The following SKI variants were observed in gnomAD, a reference collection of about 807,000 sequenced individuals.
SKI encodes ski oncogene.
SKI carries 23 observed loss-of-function variants against 59.3 expected under a neutral mutation model. That is an observed-to-expected ratio of 0.39 (90% CI 0.28 to 0.55). SKI has a LOEUF of 0.55. Ranked by LOEUF, SKI falls within the 20% of genes least tolerant of loss-of-function variation. The pLI is 0.67. For synonymous variants in SKI, 673 were observed against 488.6 expected (o/e 1.38, Z -4.98); for missense variants, 1,017 against 1,038.9 (o/e 0.98, Z 0.29).
chr1:2,309,666 C>T lies in SKI; in HGVS notation c.*2901C>T, dbSNP rs181984476. ...TCCTCCCTGTGGGTCTGAGCCCCGG[C>T]CCCCCCCACCTCCTCCTCCCTGTGG... On this transcript the variant is annotated 3_prime_UTR_variant, in exon 7 of 7. Transcript: ENST00000378536. 25 of 97,304 alleles carry T rather than the reference C, an allele frequency of 2.6e-4. No homozygotes were observed. The East Asian group carries it at 8.2e-3, about 32-fold the overall frequency. The allele number at this position is 97,304 out of a possible 1,614,324, so 6.0% of individuals were successfully genotyped here.
intron 1 of SKI, among the ~76,000 whole-genome samples, chr1:2,241,915 G>A (rs1638883292): frequency 6.6e-6 from 1 of 152,244 alleles, no homozygotes; most frequent in Non-Finnish European, 1.5e-5. Context: ...GGACAGCACT[G>A]CGTGCGATGG....
At position 2,309,988 on chromosome 1, in the gene SKI, C is replaced by G. The variant is rs1430086592; in HGVS notation, c.*3223C>G. ...CTCCATCTCTACCTTTAACATCACCCAGACCCCCGCCCCTGCCCGTGCCCC... is the reference window on the plus strand; with the variant it reads ...CTCCATCTCTACCTTTAACATCACCGAGACCCCCGCCCCTGCCCGTGCCCC... On this transcript the variant is annotated 3_prime_UTR_variant, in exon 7 of 7. Coordinates refer to ENST00000378536, the MANE Select transcript of SKI (RefSeq NM_003036.4). 5 of 147,688 alleles carry G rather than the reference C, an allele frequency of 3.4e-5. No homozygotes were observed. The highest frequency in any genetic ancestry group is 5.1e-5 in the African/African-American group (2 of 39,586). 9.1% of individuals were successfully genotyped at this position (147,688 alleles called of 1,614,324 possible).
At chr1:2,236,667 A>T (rs749544639) in intron 1 of SKI, among the ~76,000 whole-genome samples, 3 of 152,116 alleles carry the variant, frequency 2.0e-5, no homozygotes, top group Non-Finnish European at 2.9e-5. Context: ...GGCCTCCCAA[A>T]GTGTTGGGAT....
rs1639513508 is a variant in SKI, at chr1:2,267,015, C to T, written c.970-35963C>T. Reference sequence around the variant, plus strand: ...CATCGCTGAATTGTGCTGACTGGCACATCCATTGTGAGCGGATGTGTTTTC... The same window carrying T: ...CATCGCTGAATTGTGCTGACTGGCATATCCATTGTGAGCGGATGTGTTTTC... On this transcript the variant is annotated intron_variant, in intron 1 of 6. Transcript: ENST00000378536. The surrounding 1 kb of genome is among the most constrained non-coding windows in gnomAD (Gnocchi z 4.1). Among the ~76,000 whole-genome samples the T allele has an allele frequency of 6.6e-6, 1 of 152,188 alleles. No individual in the cohort carries two copies. Among genetic ancestry groups the T allele is most frequent in the Non-Finnish European group, 1.5e-5 (1 of 68,040 alleles).
chr1:2,301,266 T>A (rs1379931104), intron 1 of SKI, among the ~76,000 whole-genome samples: 30 of 152,196 alleles, frequency 2.0e-4, no homozygotes, highest in Non-Finnish European at 3.7e-4. Context: ...CCAGACGTCA[T>A]CAACACTCAC....
At chr1:2,305,159 G>A (rs1340317635) in intron 5 of SKI, among the ~76,000 whole-genome samples, 1 of 152,184 alleles carries the variant, frequency 6.6e-6, no homozygotes, top group East Asian at 1.9e-4. Flanking sequence ...ACCTGCACAC[G>A]CTGCTTCTCT....
chr1:2,269,514 G>T lies in SKI; in HGVS notation c.970-33464G>T, dbSNP rs1285237780. Among the ~76,000 whole-genome samples, 1 of 152,258 alleles carries T rather than the reference G, an allele frequency of 6.6e-6. No homozygotes were observed. Among genetic ancestry groups the T allele is most frequent in the Non-Finnish European group, 1.5e-5 (1 of 68,044 alleles). On this transcript the variant is annotated intron_variant, in intron 1 of 6. Coordinates refer to ENST00000378536, the MANE Select transcript of SKI (RefSeq NM_003036.4). The surrounding 1 kb of genome is among the most constrained non-coding windows in gnomAD (Gnocchi z 4.7). ...GAAGCAAAGCCGTTTTGCAGGCTGG[G>T]TTCATCCCCGTTCCAGGCCCGCACT...
At chr1:2,286,767 G>A (rs957170338) in intron 1 of SKI, among the ~76,000 whole-genome samples, 1 of 152,182 alleles carries the variant, frequency 6.6e-6, no homozygotes, top group Non-Finnish European at 1.5e-5. Context: ...TCCGGTCGTG[G>A]GCTAGTGGGA....
At chr1:2,245,287 G>T (rs1042785983) in intron 1 of SKI, among the ~76,000 whole-genome samples, 2 of 152,030 alleles carry the variant, frequency 1.3e-5, no homozygotes, top group African/African-American at 4.8e-5. Flanking sequence ...AGACTGAACC[G>T]CAGGCTGCTG....
chr1:2,247,603 C>T (rs563517899), intron 1 of SKI, among the ~76,000 whole-genome samples: 1 of 152,204 alleles, frequency 6.6e-6, no homozygotes, highest in Non-Finnish European at 1.5e-5. Flanking sequence ...AAATGCCTCC[C>T]TGGGGTTGGG....
chr1:2,256,736 C>T (rs1639282750), intron 1 of SKI, among the ~76,000 whole-genome samples: 1 of 152,262 alleles, frequency 6.6e-6, no homozygotes, highest in Non-Finnish European at 1.5e-5. Context: ...AAGTCCCCTG[C>T]CATCTGCTTT....
chr1:2,254,272 A>G (rs1639227318), intron 1 of SKI, among the ~76,000 whole-genome samples: 1 of 152,134 alleles, frequency 6.6e-6, no homozygotes, highest in Admixed American at 6.5e-5. Flanking sequence ...TGCTGGCCCA[A>G]CTGGTCTCCA....
rs1639570703 is a variant in SKI at position 2,269,497 on chromosome 1, G to A, written c.970-33481G>A. On this transcript the variant is annotated intron_variant, in intron 1 of 6. Coordinates refer to ENST00000378536, the MANE Select transcript of SKI (RefSeq NM_003036.4). The surrounding 1 kb of genome is among the most constrained non-coding windows in gnomAD (Gnocchi z 4.7). Reference sequence around the variant, plus strand: ...AGTCTGTGGCCTTCTGTGAAGCAAAGCCGTTTTGCAGGCTGGGTTCATCCC... The same window carrying A: ...AGTCTGTGGCCTTCTGTGAAGCAAAACCGTTTTGCAGGCTGGGTTCATCCC... 1.3e-5 allele frequency among the ~76,000 whole-genome samples: 2 copies of A among 152,388 alleles called. No individual in the cohort carries two copies. The highest frequency in any genetic ancestry group is 3.9e-4 in the East Asian group (2 of 5,192).
At chr1:2,244,648 C>T (rs1356121690) in intron 1 of SKI, among the ~76,000 whole-genome samples, 1 of 152,144 alleles carries the variant, frequency 6.6e-6, no homozygotes, top group East Asian at 1.9e-4. Context: ...GGTGAAAAAT[C>T]TCATCATTTA....
intron 1 of SKI, among the ~76,000 whole-genome samples, chr1:2,274,993 G>T (rs192600160): frequency 4.0e-4 from 61 of 152,298 alleles, no homozygotes; most frequent in African/African-American, 1.4e-3. Context: ...TCCCCAGGCC[G>T]TGTGTGTCAG....
At chr1:2,252,252 C>T (rs912563431) in intron 1 of SKI, among the ~76,000 whole-genome samples, 20 of 152,276 alleles carry the variant, frequency 1.3e-4, no homozygotes, top group Admixed American at 9.2e-4. Context: ...TTAGCTGCTC[C>T]GTGAAAGGTG....
chr1:2,249,955 A>G (rs1461821903), intron 1 of SKI, among the ~76,000 whole-genome samples: 1 of 151,708 alleles, frequency 6.6e-6, no homozygotes, highest in African/African-American at 2.4e-5. Context: ...CCCAGGCTGG[A>G]GTGCAGTGGT....
chr1:2,236,657 G>A (rs993335553), intron 1 of SKI, among the ~76,000 whole-genome samples: 8 of 152,112 alleles, frequency 5.3e-5, no homozygotes, highest in African/African-American at 1.9e-4. Flanking sequence ...TGCCCACCTC[G>A]GCCTCCCAAA....
chr1:2,263,260 C>T (rs1410177794), intron 1 of SKI, among the ~76,000 whole-genome samples: 4 of 129,800 alleles, frequency 3.1e-5, no homozygotes, highest in African/African-American at 5.9e-5. Context: ...TTTTTGGAGA[C>T]GGAGTCTTGC....
Sources: allele counts gnomAD v4.1 joint callset (sites outside exome capture counted in the v4.1 genomes callset), GRCh38; gene constraint gnomAD v4.1.1; non-coding constraint Gnocchi (gnomAD v3.1); transcripts MANE v1.5; gene names NCBI Gene and HGNC (gene_info 2026-07-23, HGNC 2026-07-21).